The following IFIT2 variants were observed in gnomAD, a reference collection of about 807,000 sequenced individuals.
IFIT2 encodes interferon-induced protein with tetratricopeptide repeats 2.
A neutral mutation model predicts 2.5 loss-of-function variants in IFIT2; 3 were observed. The ratio of observed to expected loss-of-function variants is 1.21; its 90% CI spans 0.55 to 3.14. The LOEUF (loss-of-function observed/expected upper bound fraction) is 3.14. Among genes scored for constraint, IFIT2 ranks in the 30% most tolerant of loss-of-function variants. The probability of loss-of-function intolerance (pLI) is 0.03; values close to 1 mark genes in which losing one functional copy is unlikely to be tolerated. For missense variants in IFIT2, 493 were observed against 558.9 expected (o/e 0.88, Z 1.19); for synonymous variants, 212 against 200.7 (o/e 1.06, Z -0.48).
In IFIT2 at chr10:89,307,279, G is replaced by T. The variant is rs1365115277; in HGVS notation, c.1323G>T (p.Glu441Asp). The change falls in exon 2 of 2, where the codon GAG (glutamate) becomes GAT (aspartate). Residue 441 changes from glutamate to aspartate, a missense_variant. Transcript: ENST00000371826. The part of the protein sequence containing the change: ...EALHVLAFLQ[E>D]LNEKMQQADE... ...TGCATGTCTTGGCATTCCTTCAGGA[G>T]CTGAATGAAAAAATGCAACAAGCAG... 6.2e-7 allele frequency: 1 copy of T among 1,613,968 alleles called. No homozygotes were observed. Among genetic ancestry groups the T allele is most frequent in the South Asian group, 1.1e-5 (1 of 91,072 alleles).
chr10:89,307,090 C>G lies in IFIT2; in HGVS notation c.1134C>G (p.Gly378=). 1 of 1,614,022 alleles carries G rather than the reference C, an allele frequency of 6.2e-7. No homozygotes were observed. The highest frequency in any genetic ancestry group is 8.5e-7 in the Non-Finnish European group (1 of 1,179,956). The stretch of plus-strand genomic sequence containing the variant: ...AACAACTGCTCCATCTGCGGTATGG[C>G]AACTTTCAGCTGTACCAAATGAAGT... ...VAKQLLHLRY[G]NFQLYQMKCE... The change falls in exon 2 of 2, where the codon GGC becomes GGG. Residue 378 remains glycine (G), a synonymous_variant. Transcript: ENST00000371826.
rs765101384 is a variant in IFIT2 at position 89,306,142 on chromosome 10, C to A, written c.186C>A (p.His62Gln). Residue 62 changes from histidine (H) to glutamine (Q), a missense_variant, in exon 2 of 2, where the codon CAC becomes CAA. His to Gln is a conservative substitution (Grantham distance 24). Transcript: ENST00000371826. ...GCAACCTACTGGCCTATCTAAAGCA[C>A]CTCAAAGGGCAAAACGAGGCAGCCC... is the stretch of plus-strand genomic sequence containing the variant. ...TMCNLLAYLK[H>Q]LKGQNEAALE... 12 of 1,613,972 alleles carry A rather than the reference C, an allele frequency of 7.4e-6. No homozygotes were observed. Among genetic ancestry groups the A allele is most frequent in the Non-Finnish European group, 1.0e-5 (12 of 1,179,990 alleles).
chr10:89,307,241 G>A lies in IFIT2; in HGVS notation c.1285G>A (p.Asp429Asn). The change falls in exon 2 of 2, where the codon GAT becomes AAT. Residue 429 changes from aspartate (D) to asparagine (N), a missense_variant. Transcript: ENST00000371826. Reference protein sequence around the residue: ...AKMRLSKNGADSEALHVLAFL... With the variant: ...AKMRLSKNGANSEALHVLAFL... The stretch of plus-strand genomic sequence containing the variant: ...AATGCGACTTTCTAAAAATGGAGCA[G>A]ATTCTGAGGCTTTGCATGTCTTGGC... The A allele has an allele frequency of 6.2e-7, 1 of 1,614,036 alleles. No homozygotes were observed. Among genetic ancestry groups the A allele is most frequent in the Non-Finnish European group, 8.5e-7 (1 of 1,179,936 alleles).
chr10:89,302,865 C>A (rs1843454160), intron 1 of IFIT2, among the ~76,000 whole-genome samples: 1 of 152,096 alleles, frequency 6.6e-6, no homozygotes, highest in Admixed American at 6.5e-5. Context: ...TTGCCTAACC[C>A]TCATCCTGGG....
At chr10:89,302,789 G>A (rs567397984) in intron 1 of IFIT2, among the ~76,000 whole-genome samples, 1 of 152,240 alleles carries the variant, frequency 6.6e-6, no homozygotes, top group South Asian at 2.1e-4. Flanking sequence ...TGGAGAGGAA[G>A]TGTTAGCTCA....
rs117997602 is a variant in IFIT2, at chr10:89,303,484, T to C, written c.5+1356T>C. On this transcript the variant is annotated intron_variant, in intron 1 of 1. Coordinates refer to ENST00000371826, the MANE Select transcript of IFIT2 (RefSeq NM_001547.5). ...GTTGTGTATACAACTGGAACTTCTA[T>C]AGGAATCGGGAGAATAGGTCCTCAC... 5.8e-3 allele frequency among the ~76,000 whole-genome samples: 877 copies of C among 152,320 alleles called. 4 individuals carry two copies. Among genetic ancestry groups the C allele is most frequent in the Middle Eastern group, 0.017 (5 of 294 alleles).
At chr10:89,305,203 A>T (rs1843470692) in intron 1 of IFIT2, among the ~76,000 whole-genome samples, 1 of 152,100 alleles carries the variant, frequency 6.6e-6, no homozygotes, top group African/African-American at 2.4e-5. Context: ...AAAAGCAGAT[A>T]AAATGAGTAA....
rs1433178541 is a variant in IFIT2 at position 89,307,935 on chromosome 10, C to T, written c.*560C>T. ...TATCATCAACCTTGAGTATTCTACA[C>T]AATGTGAATTCAAGTGCCTGATTAA... On this transcript the variant is annotated 3_prime_UTR_variant, in exon 2 of 2. Coordinates refer to ENST00000371826, the MANE Select transcript of IFIT2 (RefSeq NM_001547.5). The T allele has an allele frequency of 6.5e-6, 1 of 153,364 alleles. No homozygotes were observed. Among genetic ancestry groups the T allele is most frequent in the East Asian group, 1.9e-4 (1 of 5,204 alleles). 9.5% of individuals were successfully genotyped at this position (153,364 alleles called of 1,614,324 possible).
chr10:89,306,540 T>G lies in IFIT2; in HGVS notation c.584T>G (p.Ile195Ser), dbSNP rs200869366. ...AACTGGCCACCATCTCAGAACGCCATTGACCCTCTGAGGCAAGCCATTCGG... is the reference window on the plus strand; with the variant it reads ...AACTGGCCACCATCTCAGAACGCCAGTGACCCTCTGAGGCAAGCCATTCGG... ...LDNWPPSQNA[I>S]DPLRQAIRLN... Residue 195 changes from isoleucine to serine, a missense_variant, in exon 2 of 2, where the codon ATT becomes AGT. Coordinates refer to ENST00000371826, the MANE Select transcript of IFIT2 (RefSeq NM_001547.5). The G allele has an allele frequency of 1.3e-4, 213 of 1,614,106 alleles. No homozygotes were observed. The highest frequency in any genetic ancestry group is 5.8e-4 in the Admixed American group (35 of 60,014).
At chr10:89,305,079 A>T (rs1399848877) in intron 1 of IFIT2, among the ~76,000 whole-genome samples, 1 of 152,104 alleles carries the variant, frequency 6.6e-6, no homozygotes, top group Non-Finnish European at 1.5e-5. Context: ...CACCAGTTTA[A>T]GAAATAGAGG....
At position 89,307,284 on chromosome 10, in the gene IFIT2, A is replaced by G. The variant is rs1475574366; in HGVS notation, c.1328A>G (p.Asn443Ser). Residue 443 changes from asparagine (N) to serine (S), a missense_variant, in exon 2 of 2, where the codon AAT becomes AGT. Coordinates refer to ENST00000371826, the MANE Select transcript of IFIT2 (RefSeq NM_001547.5). ...GTCTTGGCATTCCTTCAGGAGCTGA[A>G]TGAAAAAATGCAACAAGCAGATGAA... ...LHVLAFLQEL[N>S]EKMQQADEDS... 1.2e-6 allele frequency: 2 copies of G among 1,614,034 alleles called. No individual in the cohort carries two copies. Among genetic ancestry groups the G allele is most frequent in the Admixed American group, 3.3e-5 (2 of 60,010 alleles).
At position 89,307,221 on chromosome 10, in the gene IFIT2, G is replaced by A. The variant is rs759920872; in HGVS notation, c.1265G>A (p.Arg422Gln). ...AAACTGCAAAAAATTGCCAAAATGC[G>A]ACTTTCTAAAAATGGAGCAGATTCT... ...KDKLQKIAKM[R>Q]LSKNGADSEA... Residue 422 changes from arginine (R) to glutamine (Q), a missense_variant, in exon 2 of 2, where the codon CGA (arginine) becomes CAA (glutamine). Coordinates refer to ENST00000371826, the MANE Select transcript of IFIT2 (RefSeq NM_001547.5). The A allele has an allele frequency of 1.2e-6, 2 of 1,613,916 alleles. No individual in the cohort carries two copies. The highest frequency in any genetic ancestry group is 1.3e-5 in the African/African-American group (1 of 74,986).
chr10:89,302,731 G>A (rs189925312), intron 1 of IFIT2, among the ~76,000 whole-genome samples: 1 of 152,292 alleles, frequency 6.6e-6, no homozygotes, highest in Admixed American at 6.5e-5. Context: ...AAATAGTTCT[G>A]TTCTCACCTC....
intron 1 of IFIT2, among the ~76,000 whole-genome samples, chr10:89,305,589 C>T (rs975857097): frequency 6.6e-6 from 1 of 152,034 alleles, no homozygotes; most frequent in Non-Finnish European, 1.5e-5. Context: ...GAATGAAGAA[C>T]AGAAACAGCA....
At position 89,302,154 on chromosome 10, in the gene IFIT2, T is replaced by C. The variant is rs753279726; in HGVS notation, c.5+26T>C. 1.5e-5 allele frequency: 25 copies of C among 1,613,368 alleles called. No homozygotes were observed. The East Asian group carries it at 5.6e-4, about 36-fold the overall frequency. On this transcript the variant is annotated intron_variant, in intron 1 of 1. Coordinates refer to ENST00000371826, the MANE Select transcript of IFIT2 (RefSeq NM_001547.5). The stretch of plus-strand genomic sequence containing the variant: ...GTAAATATTTTCCCTTCGTATTCGG[T>C]AGTGCTGTTGAGTCATCTTGTCCAA...
At position 89,307,587 on chromosome 10, in the gene IFIT2, G is replaced by C; in HGVS notation, c.*212G>C. ...GGAGAGGGACCAGATTGGGGGGTAGGTCCACGGGCTTGGTGATAGAATTAT... is the reference window on the plus strand; with the variant it reads ...GGAGAGGGACCAGATTGGGGGGTAGCTCCACGGGCTTGGTGATAGAATTAT... On this transcript the variant is annotated 3_prime_UTR_variant, in exon 2 of 2. Coordinates refer to ENST00000371826, the MANE Select transcript of IFIT2 (RefSeq NM_001547.5). The C allele has an allele frequency of 2.1e-6, 1 of 472,640 alleles. No individual in the cohort carries two copies. Among genetic ancestry groups the C allele is most frequent in the Admixed American group, 3.6e-5 (1 of 27,858 alleles). 29.3% of individuals were successfully genotyped at this position (472,640 alleles called of 1,614,324 possible).
In IFIT2 at chr10:89,308,622, GT is replaced by G. The variant is rs1266222237; in HGVS notation, c.*1248del. 1 of 152,206 alleles carries G rather than the reference GT, an allele frequency of 6.6e-6. No individual in the cohort carries two copies. Among genetic ancestry groups the G allele is most frequent in the Non-Finnish European group, 1.5e-5 (1 of 68,040 alleles). The allele number at this position is 152,206 out of a possible 1,614,324, so 9.4% of individuals were successfully genotyped here. A position where few individuals can be genotyped will look rare whatever the true frequency, so the allele number is the denominator to read the frequency against. On this transcript the variant is annotated 3_prime_UTR_variant, in exon 2 of 2. Transcript: ENST00000371826. ...GAATAGCCTAGACATCAAAGTTGGT[GT>G]GAACCAAAATAGAGTCAGCTGACCC...
chr10:89,303,718 ACT>A (rs1444686329), intron 1 of IFIT2, among the ~76,000 whole-genome samples: 2 of 152,092 alleles, frequency 1.3e-5, no homozygotes, highest in East Asian at 1.9e-4. Context: ...AATTCTATTT[ACT>A]CTCTCTGTTT....
rs551876697 is a variant in IFIT2 at position 89,307,060 on chromosome 10, A to G, written c.1104A>G (p.Val368=). 2 of 1,614,072 alleles carry G rather than the reference A, an allele frequency of 1.2e-6. No homozygotes were observed. The highest frequency in any genetic ancestry group is 2.7e-5 in the African/African-American group (2 of 75,044). ...AATTCAGTAAAGAGCTTACTCCTGT[A>G]GCGAAACAACTGCTCCATCTGCGGT... The part of the protein sequence containing the change: ...QKEFSKELTP[V]AKQLLHLRYG... The change falls in exon 2 of 2, where the codon GTA becomes GTG. Residue 368 remains valine (V), a synonymous_variant. Transcript: ENST00000371826.
Sources: allele counts gnomAD v4.1 joint callset (sites outside exome capture counted in the v4.1 genomes callset), GRCh38; gene constraint gnomAD v4.1.1; transcripts MANE v1.5; gene names NCBI Gene and HGNC (gene_info 2026-07-23, HGNC 2026-07-21).